LRMDA: variants seen among roughly 807,000 people sequenced by gnomAD.
LRMDA encodes leucine rich melanocyte differentiation associated.
Under a neutral mutation model 29.8 loss-of-function variants are expected in LRMDA, and 18 were observed. The ratio of observed to expected loss-of-function variants is 0.60; its 90% confidence interval spans 0.42 to 0.90. The LOEUF is 0.90. LRMDA is among the 40% of genes least tolerant of loss of function. LRMDA has a pLI of 0.00. For missense variants in LRMDA, 273 were observed against 273.9 expected (o/e 1.00, Z 0.02); for synonymous variants, 125 against 109.4 (o/e 1.14, Z -0.89).
intron 5 of LRMDA, among the ~76,000 whole-genome samples, chr10:76,274,425 A>G (rs183588603): frequency 3.5e-4 from 53 of 152,332 alleles, no homozygotes; most frequent in Middle Eastern, 3.4e-3. Flanking sequence ...GAGCAGGTCA[A>G]TAAGAATACA....
intron 2 of LRMDA, among the ~76,000 whole-genome samples, chr10:75,571,795 G>A (rs886858476): frequency 9.2e-5 from 14 of 152,174 alleles, no homozygotes; most frequent in Admixed American, 7.2e-4. Context: ...CACACTGAGG[G>A]TGGGAGAGGG....
At chr10:75,976,606 A>G (rs1012338034) in intron 2 of LRMDA, among the ~76,000 whole-genome samples, 10 of 152,230 alleles carry the variant, frequency 6.6e-5, no homozygotes, top group African/African-American at 2.2e-4. Flanking sequence ...CTAATAACTA[A>G]TAAGCAGTTA....
chr10:76,268,100 T>C (rs886649747), intron 5 of LRMDA, among the ~76,000 whole-genome samples: 6 of 152,030 alleles, frequency 3.9e-5, no homozygotes, highest in African/African-American at 1.4e-4. Flanking sequence ...CATACTAGAG[T>C]GCCAGATTCC....
chr10:75,611,255 A>G (rs1841028225), intron 2 of LRMDA, among the ~76,000 whole-genome samples: 1 of 152,164 alleles, frequency 6.6e-6, no homozygotes, highest in African/African-American at 2.4e-5. Flanking sequence ...CAGTTGTTGG[A>G]CAATGGCATG....
intron 2 of LRMDA, among the ~76,000 whole-genome samples, chr10:75,481,058 T>A (rs1052640878): frequency 1.3e-5 from 2 of 152,086 alleles, no homozygotes; most frequent in Non-Finnish European, 2.9e-5. Context: ...CATTTAGGAC[T>A]CATCGGGTTT....
intron 2 of LRMDA, among the ~76,000 whole-genome samples, chr10:75,566,935 C>T (rs150644548): frequency 1.2e-3 from 176 of 152,356 alleles, no homozygotes; most frequent in African/African-American, 4.1e-3. Context: ...CCATGGGGGG[C>T]CTCATCATGG....
intron 2 of LRMDA, among the ~76,000 whole-genome samples, chr10:75,725,267 C>T (rs572934777): frequency 6.6e-6 from 1 of 152,128 alleles, no homozygotes; most frequent in South Asian, 2.1e-4. Flanking sequence ...TCCTGTAATC[C>T]ACCGGTTATT....
intron 2 of LRMDA, among the ~76,000 whole-genome samples, chr10:75,637,180 G>GTTACAT (rs1841399612): frequency 6.6e-6 from 1 of 152,148 alleles, no homozygotes; most frequent in African/African-American, 2.4e-5. Flanking sequence ...TTCTCTTTTG[G>GTTACAT]TGTTGGGTCA....
chr10:75,827,409 T>C (rs953608198), intron 2 of LRMDA, among the ~76,000 whole-genome samples: 3 of 152,204 alleles, frequency 2.0e-5, no homozygotes, highest in African/African-American at 4.8e-5. Flanking sequence ...CCTGGAGACA[T>C]TTAAACACAA....
intron 2 of LRMDA, chr10:75,782,722 G>A (rs1589198724): frequency 7.7e-7 from 1 of 1,304,428 alleles, no homozygotes; most frequent in Non-Finnish European, 9.8e-7. Context: ...GTGAGATGGA[G>A]ACCGGGGCGA....
At chr10:75,886,112 T>C (rs1845382812) in intron 2 of LRMDA, among the ~76,000 whole-genome samples, 1 of 152,242 alleles carries the variant, frequency 6.6e-6, no homozygotes, top group South Asian at 2.1e-4. Flanking sequence ...CTGAAATCTC[T>C]TGTACATAAC....
chr10:76,051,143 C>T (rs1224531588), intron 4 of LRMDA, among the ~76,000 whole-genome samples: 15 of 152,240 alleles, frequency 9.9e-5, no homozygotes, highest in Non-Finnish European at 1.5e-5. Context: ...GCCGTCTGGT[C>T]GCTCTGGGCT....
At chr10:76,373,808 A>G (rs1301675426) in intron 6 of LRMDA, among the ~76,000 whole-genome samples, 1 of 152,178 alleles carries the variant, frequency 6.6e-6, no homozygotes, top group Non-Finnish European at 1.5e-5. Context: ...AAACTTTGCA[A>G]GTATTTATTC....
intron 2 of LRMDA, among the ~76,000 whole-genome samples, chr10:76,001,251 A>C (rs1847558264): frequency 6.6e-6 from 1 of 152,180 alleles, no homozygotes; most frequent in Non-Finnish European, 1.5e-5. Context: ...CAACAAACAC[A>C]AACAAATAAA....
intron 5 of LRMDA, among the ~76,000 whole-genome samples, chr10:76,207,590 T>C (rs1253000087): frequency 1.3e-5 from 2 of 152,240 alleles, no homozygotes; most frequent in African/African-American, 2.4e-5. Context: ...TCCTGTTTAG[T>C]GGAAGCCCTC....
chr10:75,534,751 A>G (rs1839925505), intron 2 of LRMDA, among the ~76,000 whole-genome samples: 1 of 152,222 alleles, frequency 6.6e-6, no homozygotes, highest in South Asian at 2.1e-4. Flanking sequence ...TGGCTGAATA[A>G]TTCAAGCTTG....
intron 5 of LRMDA, among the ~76,000 whole-genome samples, chr10:76,113,215 C>T (rs1243509519): frequency 1.3e-5 from 2 of 151,756 alleles, no homozygotes; most frequent in African/African-American, 2.4e-5. Context: ...ATCTAGTAGG[C>T]GTTGAAATAT....
chr10:76,527,309 G>T (rs1464389378), intron 6 of LRMDA, among the ~76,000 whole-genome samples: 1 of 152,136 alleles, frequency 6.6e-6, no homozygotes, highest in African/African-American at 2.4e-5. Flanking sequence ...CCATTTTTGT[G>T]TATTCTGTAC....
At chr10:76,117,351 GTTGA>G (rs994795861) in intron 5 of LRMDA, among the ~76,000 whole-genome samples, 21 of 152,190 alleles carry the variant, frequency 1.4e-4, no homozygotes, top group African/African-American at 5.1e-4. Flanking sequence ...CAATTTTGAT[GTTGA>G]TTATCTTTAA....
Sources: allele counts gnomAD v4.1 joint callset (sites outside exome capture counted in the v4.1 genomes callset), GRCh38; gene constraint gnomAD v4.1.1; transcripts MANE v1.5; gene names NCBI Gene and HGNC (gene_info 2026-07-23, HGNC 2026-07-21).